The following SPAG17 variants were observed in gnomAD, a reference collection of about 807,000 sequenced individuals.
SPAG17 encodes sperm associated antigen 17.
SPAG17 carries 169 observed loss-of-function variants against 273.6 expected under a neutral mutation model. The observed-to-expected ratio is 0.62, with a 90% confidence interval of 0.55 to 0.70. The LOEUF is 0.70. Ranked by LOEUF, SPAG17 falls within the 30% of genes least tolerant of loss-of-function variation. SPAG17 has a pLI of 0.00. For synonymous variants in SPAG17, 825 were observed against 873.2 expected (o/e 0.94, Z 0.97); for missense variants, 2,557 against 2,627.8 (o/e 0.97, Z 0.59).
intron 10 of SPAG17, among the ~76,000 whole-genome samples, chr1:118,088,759 G>A (rs184094394): frequency 1.3e-5 from 2 of 152,194 alleles, no homozygotes; most frequent in Admixed American, 1.3e-4. Context: ...ACTCCCTGAA[G>A]AAAGCATTAG....
intron 18 of SPAG17, among the ~76,000 whole-genome samples, chr1:118,056,963 T>C (rs540205058): frequency 1.3e-5 from 2 of 151,904 alleles, no homozygotes; most frequent in Middle Eastern, 3.2e-3. Flanking sequence ...TGATTACTCT[T>C]ATTTTCTATT....
At chr1:117,961,147 G>C (rs1653034198) in intron 48 of SPAG17, 1 of 152,222 alleles carries the variant, frequency 6.6e-6, no homozygotes, top group Admixed American at 6.5e-5. Flanking sequence ...GCTGGGCGTG[G>C]TGGCAGGCGC....
At chr1:118,105,023 A>G (rs550042140) in intron 4 of SPAG17, among the ~76,000 whole-genome samples, 2 of 152,310 alleles carry the variant, frequency 1.3e-5, no homozygotes, top group South Asian at 2.1e-4. Context: ...AGTTCTCTAG[A>G]AGTCAACATG....
At chr1:118,180,160 G>T (rs1660875732) in intron 1 of SPAG17, among the ~76,000 whole-genome samples, 1 of 151,976 alleles carries the variant, frequency 6.6e-6, no homozygotes, top group African/African-American at 2.4e-5. Flanking sequence ...TATTGCAGCA[G>T]TATTCACAAT....
chr1:118,012,144 A>ATGTTCAGC (rs1659539596), intron 30 of SPAG17, 84 bp downstream of exon 30: 3 of 1,351,200 alleles, frequency 2.2e-6, no homozygotes, highest in African/African-American at 2.9e-5. Context: ...TCTTATGTGT[A>ATGTTCAGC]TGTTCAGCAG....
intron 43 of SPAG17, among the ~76,000 whole-genome samples, chr1:117,980,227 TTTTTC>T (rs1230456320): frequency 1.3e-5 from 2 of 152,056 alleles, no homozygotes; most frequent in Admixed American, 1.3e-4. Context: ...TTTTTTTTCT[TTTTTC>T]TTTTCTTTTC....
chr1:118,048,288 G>A (rs1005491856), intron 20 of SPAG17, among the ~76,000 whole-genome samples: 6 of 151,640 alleles, frequency 4.0e-5, no homozygotes, highest in African/African-American at 1.2e-4. Flanking sequence ...CCACCTCCAT[G>A]AACCCAGTCA....
chr1:118,086,985 G>C lies in SPAG17; in HGVS notation c.1383C>G (p.Leu461=). The C allele has an allele frequency of 6.4e-7, 1 of 1,570,818 alleles. No individual in the cohort carries two copies. Among genetic ancestry groups the C allele is most frequent in the Non-Finnish European group, 8.6e-7 (1 of 1,162,702 alleles). Residue 461 remains leucine (L), a synonymous_variant, in exon 11 of 49, where the codon CTC becomes CTG. Transcript: ENST00000336338. ...LEQVVATEED[L]VPPSLREPSP... is the part of the protein sequence containing the mutation. ...ATGGCTCCCGCAGACTGGGTGGGAC[G>C]AGATCTTCTTCAGTTGCAACAACCT...
chr1:118,136,159 T>G lies in SPAG17; in HGVS notation c.315+14384A>C, dbSNP rs1318611969. Among the ~76,000 whole-genome samples, 3 of 152,220 alleles carry G rather than the reference T, an allele frequency of 2.0e-5. No individual in the cohort carries two copies. The East Asian group carries it at 5.8e-4, about 29-fold the overall frequency. On this transcript the variant is annotated intron_variant, in intron 3 of 48. Transcript: ENST00000336338. ...CTTCCAAATGTGTGTTATTTATCAT[T>G]CTTAAATTCTTTTTAGGGGTTCCAG...
intron 1 of SPAG17, among the ~76,000 whole-genome samples, chr1:118,183,944 A>C (rs1436712951): frequency 6.6e-6 from 1 of 152,236 alleles, no homozygotes; most frequent in Non-Finnish European, 1.5e-5. Flanking sequence ...TACTGAGTTG[A>C]CATCCAGCAT....
At chr1:117,998,086 T>C (rs1453670700) in intron 32 of SPAG17, among the ~76,000 whole-genome samples, 1 of 152,160 alleles carries the variant, frequency 6.6e-6, no homozygotes, top group Non-Finnish European at 1.5e-5. Context: ...AGTTTTTGCT[T>C]TTGTTGCAAT....
chr1:118,081,356 G>A (rs1557997309), intron 14 of SPAG17, 37 bp from the exon 15 acceptor site: 3 of 1,610,692 alleles, frequency 1.9e-6, no homozygotes, highest in African/African-American at 2.7e-5. Context: ...GATACAATAT[G>A]AGAAAAATTG....
chr1:118,055,673 T>C, intron 19 of SPAG17, 60 bp downstream of exon 19: 1 of 1,335,426 alleles, frequency 7.5e-7, no homozygotes, highest in Non-Finnish European at 1.0e-6. Flanking sequence ...TTGATTAAAT[T>C]AAGAGAGAGA....
chr1:118,073,989 A>G, intron 16 of SPAG17, 22 bp from the exon 17 acceptor site: 3 of 1,509,322 alleles, frequency 2.0e-6, no homozygotes, highest in Non-Finnish European at 2.7e-6. Flanking sequence ...TAGGAACACA[A>G]TTTCAGCTTT....
intron 4 of SPAG17, among the ~76,000 whole-genome samples, chr1:118,109,792 C>T (rs1570710980): frequency 1.3e-5 from 2 of 152,110 alleles, no homozygotes; most frequent in East Asian, 3.9e-4. Flanking sequence ...CATAAACAAG[C>T]TATCATAGGG....
At chr1:118,080,800 A>G (rs1654488019) in intron 15 of SPAG17, among the ~76,000 whole-genome samples, 2 of 152,198 alleles carry the variant, frequency 1.3e-5, no homozygotes, top group African/African-American at 4.8e-5. Context: ...TTGCAGATGA[A>G]TGTTTATAAT....
chr1:117,971,815 A>G (rs1367356672), intron 45 of SPAG17, 48 bp downstream of exon 45: 1 of 1,512,672 alleles, frequency 6.6e-7, no homozygotes, highest in Non-Finnish European at 9.0e-7. Flanking sequence ...GACAAGTCAC[A>G]GGGTAGGGAA....
chr1:118,125,253 CAT>C (rs1219501447), intron 3 of SPAG17, among the ~76,000 whole-genome samples: 2 of 137,602 alleles, frequency 1.5e-5, no homozygotes, highest in Admixed American at 6.8e-5. Flanking sequence ...ATATTTTTGA[CAT>C]ATAATAATGG....
chr1:118,066,903 A>T lies in SPAG17; in HGVS notation c.2386-4T>A. ...GCTTATGGGCTTCTTGAAGGACCTGAAAATCAAAATAATTGCATTGTAGAA... is the reference window on the plus strand; with the variant it reads ...GCTTATGGGCTTCTTGAAGGACCTGTAAATCAAAATAATTGCATTGTAGAA... On this transcript the variant is annotated splice_region_variant and splice_polypyrimidine_tract_variant and intron_variant, in intron 17 of 48. Transcript: ENST00000336338. 6.3e-7 allele frequency: 1 copy of T among 1,597,498 alleles called. No individual in the cohort carries two copies. Among genetic ancestry groups the T allele is most frequent in the Non-Finnish European group, 8.5e-7 (1 of 1,175,468 alleles).
Sources: allele counts gnomAD v4.1 joint callset (sites outside exome capture counted in the v4.1 genomes callset), GRCh38; gene constraint gnomAD v4.1.1; transcripts MANE v1.5; gene names NCBI Gene and HGNC (gene_info 2026-07-23, HGNC 2026-07-21).